The following SYNM variants were observed in gnomAD, a reference collection of about 807,000 sequenced individuals.
SYNM encodes the protein synemin.
Under a neutral mutation model 104.0 loss-of-function variants are expected in SYNM, and 95 were observed. That is an observed-to-expected ratio of 0.91 (90% CI 0.77 to 1.08). The LOEUF (loss-of-function observed/expected upper bound fraction) is 1.08. SYNM is among the 50% of genes least tolerant of loss of function. The pLI is 0.00. For synonymous variants in SYNM, 918 were observed against 869.0 expected (o/e 1.06, Z -0.99); for missense variants, 2,150 against 2,052.2 (o/e 1.05, Z -0.92).
At chr15:99,128,035 T>C (rs1406056483) in intron 3 of SYNM, among the ~76,000 whole-genome samples, 2 of 151,638 alleles carry the variant, frequency 1.3e-5, no homozygotes, top group African/African-American at 4.9e-5. Context: ...ATTCATTCAT[T>C]ATTTTTCAAG....
rs1315952419 is a variant in SYNM at position 99,133,707 on chromosome 15, C to G, written c.*649C>G. 1.3e-5 allele frequency: 2 copies of G among 153,476 alleles called. No individual in the cohort carries two copies. The highest frequency in any genetic ancestry group is 2.9e-5 in the Non-Finnish European group (2 of 68,686). The allele number at this position is 153,476 out of a possible 1,614,324, so 9.5% of individuals were successfully genotyped here. On this transcript the variant is annotated 3_prime_UTR_variant, in exon 4 of 4. Coordinates refer to ENST00000336292, the MANE Select transcript of SYNM (RefSeq NM_145728.3). Reference sequence around the variant, plus strand: ...TATTTATGGCGAGGACAGCTGTAGTCTGTTGTGATATTTCACATTCTATTT... The same window carrying G: ...TATTTATGGCGAGGACAGCTGTAGTGTGTTGTGATATTTCACATTCTATTT...
chr15:99,119,153 C>T (rs1189952674), intron 2 of SYNM, among the ~76,000 whole-genome samples: 3 of 152,154 alleles, frequency 2.0e-5, no homozygotes, highest in Non-Finnish European at 2.9e-5. Flanking sequence ...ACTGCACCTG[C>T]GAATCTCCCG....
At chr15:99,129,253 G>C in intron 3 of SYNM, 114 bp from the exon 4 acceptor site, 1 of 1,406,358 alleles carries the variant, frequency 7.1e-7, no homozygotes, top group South Asian at 1.4e-5. Context: ...GCTTTCTGTG[G>C]TAACAGTGTA....
chr15:99,130,376 C>T lies in SYNM; in HGVS notation c.2016C>T (p.Asp672=). The T allele has an allele frequency of 1.2e-6, 2 of 1,613,656 alleles. No individual in the cohort carries two copies. The highest frequency in any genetic ancestry group is 1.1e-5 in the South Asian group (1 of 91,010). ...CAGACACAAAAGTCACTTACGTGGACAGGAAAGAGCTTCCTGGGGAAAGGA... is the reference window on the plus strand; with the variant it reads ...CAGACACAAAAGTCACTTACGTGGATAGGAAAGAGCTTCCTGGGGAAAGGA... ...SFPDTKVTYV[D]RKELPGERKT... Residue 672 remains aspartate, a synonymous_variant, in exon 4 of 4, where the codon GAC becomes GAT. Coordinates refer to ENST00000336292, the MANE Select transcript of SYNM (RefSeq NM_145728.3).
chr15:99,136,414 C>G (rs1200217032), downstream of SYNM: 2 of 152,252 alleles, frequency 1.3e-5, no homozygotes, highest in Non-Finnish European at 2.9e-5. Context: ...AAGGCTTAAA[C>G]AACAAACATT....
chr15:99,105,425 T>C lies in SYNM; in HGVS notation c.226T>C (p.Trp76Arg), dbSNP rs1247533862. 7 of 1,481,750 alleles carry C rather than the reference T, an allele frequency of 4.7e-6. No homozygotes were observed. In the South Asian group the frequency reaches 9.0e-5, roughly 19 times the overall value. 91.8% of individuals were successfully genotyped at this position (1,481,750 alleles called of 1,614,324 possible). A position where few individuals can be genotyped will look rare whatever the true frequency, so the allele number is the denominator to read the frequency against. ...GCGGCAGCAGCTGGACGAGCTGAGC[T>C]GGGCCACTGCGCTGGCGGAGGGCGA... is the stretch of plus-strand genomic sequence containing the variant. ...SLRQQLDELS[W>R]ATALAEGERD... The change falls in exon 1 of 4, where the codon TGG becomes CGG. Residue 76 changes from tryptophan (W) to arginine (R), a missense_variant. Coordinates refer to ENST00000336292, the MANE Select transcript of SYNM (RefSeq NM_145728.3).
At chr15:99,136,158 C>CCT (rs1422283967), downstream of SYNM, among the ~76,000 whole-genome samples, 4 of 151,830 alleles carry the variant, frequency 2.6e-5, no homozygotes, top group Non-Finnish European at 4.4e-5. Context: ...CTATAGTCTT[C>CCT]CTCTCGTTGA....
intron 1 of SYNM, 82 bp from the exon 2 acceptor site, chr15:99,113,507 ATT>A: frequency 6.4e-7 from 1 of 1,563,064 alleles, no homozygotes. Context: ...CTGTTTTTCA[ATT>A]CGATCCTGAA....
chr15:99,108,051 C>G (rs1468247390), intron 1 of SYNM, among the ~76,000 whole-genome samples: 2 of 151,526 alleles, frequency 1.3e-5, no homozygotes, highest in African/African-American at 2.4e-5. Context: ...CTCGGCACAC[C>G]GCAACATCCG....
chr15:99,107,667 A>G (rs1388828853), intron 1 of SYNM, among the ~76,000 whole-genome samples: 1 of 152,176 alleles, frequency 6.6e-6, no homozygotes. Context: ...GGAACTCGTA[A>G]TGTGAGCCAT....
downstream of SYNM, among the ~76,000 whole-genome samples, chr15:99,138,371 T>C (rs959319804): frequency 5.9e-5 from 9 of 152,014 alleles, no homozygotes; most frequent in Non-Finnish European, 1.2e-4. Context: ...TGGAGTGCAG[T>C]GGCCCCATCT....
rs782630091 is a variant in SYNM at position 99,130,534 on chromosome 15, T to C, written c.2174T>C (p.Met725Thr). 50 of 1,613,702 alleles carry C rather than the reference T, an allele frequency of 3.1e-5. No homozygotes were observed. The highest frequency in any genetic ancestry group is 4.2e-5 in the Non-Finnish European group (50 of 1,179,872). The change falls in exon 4 of 4, where the codon ATG (methionine) becomes ACG (threonine). Residue 725 changes from methionine to threonine, a missense_variant. Physicochemically the swap from Met to Thr is moderately conservative, Grantham distance 81. Transcript: ENST00000336292. ...CTGAAAGGCAAGTCAGCCGAGCAGA[T>C]GATAGGAGACATCATCAACCTCGGC... ...VGLKGKSAEQ[M>T]IGDIINLGLK...
rs2151809491 is a variant in SYNM at position 99,129,849 on chromosome 15, G to A, written c.1489G>A (p.Gly497Arg). Residue 497 changes from glycine to arginine, a missense_variant, in exon 4 of 4, where the codon GGA becomes AGA. Physicochemically the swap from Gly to Arg is moderately radical, Grantham distance 125 (BLOSUM62 -2). Coordinates refer to ENST00000336292, the MANE Select transcript of SYNM (RefSeq NM_145728.3). ...TRSNERTVIL[G>R]KKTEVKATRE... Reference sequence around the variant, plus strand: ...GTCAAATGAGAGGACCGTCATTCTGGGAAAGAAAACAGAAGTGAAAGCCAC... The same window carrying A: ...GTCAAATGAGAGGACCGTCATTCTGAGAAAGAAAACAGAAGTGAAAGCCAC... The A allele has an allele frequency of 6.2e-7, 1 of 1,613,540 alleles. No homozygotes were observed.
rs1264217562 is a variant in SYNM, at chr15:99,134,025, C to T, written c.*967C>T. The T allele has an allele frequency of 1.3e-5, 2 of 152,212 alleles. No individual in the cohort carries two copies. Among genetic ancestry groups the T allele is most frequent in the Non-Finnish European group, 2.9e-5 (2 of 68,058 alleles). 9.4% of individuals were successfully genotyped at this position (152,212 alleles called of 1,614,324 possible). A position where few individuals can be genotyped will look rare whatever the true frequency, so the allele number is the denominator to read the frequency against. Reference sequence around the variant, plus strand: ...TGTGTACAGGAAAATTGGAAGCACACAGTGGACTGTGCCTCTTAAAGATGC... The same window carrying T: ...TGTGTACAGGAAAATTGGAAGCACATAGTGGACTGTGCCTCTTAAAGATGC... On this transcript the variant is annotated 3_prime_UTR_variant, in exon 4 of 4. Transcript: ENST00000336292.
At chr15:99,141,302 A>G in the SYNM span, among the ~76,000 whole-genome samples, 1 of 152,196 alleles carries the variant, frequency 6.6e-6, no homozygotes, top group African/African-American at 2.4e-5. Flanking sequence ...TCAAGGGGAA[A>G]AAGAAAACGA....
chr15:99,106,023 G>A lies in SYNM; in HGVS notation c.810+14G>A. The A allele has an allele frequency of 1.4e-6, 2 of 1,437,608 alleles. No individual in the cohort carries two copies. Among genetic ancestry groups the A allele is most frequent in the Non-Finnish European group, 9.1e-7 (1 of 1,100,846 alleles). The allele number at this position is 1,437,608 out of a possible 1,614,324, so 89.1% of individuals were successfully genotyped here. ...GAGGAGCGGCAGGTCCGTGCGCGGG[G>A]ATGGCGCGCTGACCCCATACCCGCT... On this transcript the variant is annotated intron_variant, in intron 1 of 3. Coordinates refer to ENST00000336292, the MANE Select transcript of SYNM (RefSeq NM_145728.3).
intron 2 of SYNM, among the ~76,000 whole-genome samples, chr15:99,124,337 C>T (rs1376333734): frequency 2.0e-5 from 3 of 152,276 alleles, no homozygotes; most frequent in Non-Finnish European, 2.9e-5. Context: ...TGGGGCTGTG[C>T]GGAAGGAGGG....
chr15:99,130,941 A>T lies in SYNM; in HGVS notation c.2581A>T (p.Ile861Phe), dbSNP rs141776398. 3.0e-4 allele frequency: 481 copies of T among 1,613,850 alleles called. 1 individual carries two copies. The African/African-American group carries it at 5.9e-3, about 20-fold the overall frequency. The change falls in exon 4 of 4, where the codon ATC becomes TTC. Residue 861 changes from isoleucine to phenylalanine, a missense_variant. Physicochemically the swap from Ile to Phe is conservative, Grantham distance 21. Transcript: ENST00000336292. Reference sequence around the variant, plus strand: ...GATCCACATCGAGGAGGAATCCACCATCAGGTACTCTTGGCAGGATGAAAT... The same window carrying T: ...GATCCACATCGAGGAGGAATCCACCTTCAGGTACTCTTGGCAGGATGAAAT... ...GQIHIEEEST[I>F]RYSWQDEIVQ...
rs1555485578 is a variant in SYNM, at chr15:99,130,332, G to A, written c.1972G>A (p.Ala658Thr). The A allele has an allele frequency of 1.9e-6, 3 of 1,613,710 alleles. No individual in the cohort carries two copies. The highest frequency in any genetic ancestry group is 2.7e-5 in the African/African-American group (2 of 74,926). ...KQFTQSPETE[A>T]SADSFPDTKV... ...GTTCACTCAGTCTCCAGAGACAGAA[G>A]CATCTGCTGATTCTTTTCCAGACAC... Residue 658 changes from alanine (A) to threonine (T), a missense_variant, in exon 4 of 4, where the codon GCA (alanine) becomes ACA (threonine). By Grantham distance (58) the Ala-to-Thr change is moderately conservative. Coordinates refer to ENST00000336292, the MANE Select transcript of SYNM (RefSeq NM_145728.3).
Sources: allele counts gnomAD v4.1 joint callset (sites outside exome capture counted in the v4.1 genomes callset), GRCh38; gene constraint gnomAD v4.1.1; transcripts MANE v1.5; gene names NCBI Gene and HGNC (gene_info 2026-07-23, HGNC 2026-07-21).